PEMT: variants seen among roughly 807,000 people sequenced by gnomAD.
PEMT encodes phospholipid methyltransferase.
A neutral mutation model predicts 27.4 loss-of-function variants in PEMT; 23 were observed. The observed-to-expected ratio is 0.84, with a 90% CI of 0.60 to 1.19. The LOEUF (loss-of-function observed/expected upper bound fraction) is 1.19, where lower values mean the gene tolerates loss of function less well. Ranked by LOEUF, PEMT falls within the 50% of genes most tolerant of loss-of-function variation. PEMT has a pLI of 0.00. For synonymous variants in PEMT, 137 were observed against 139.1 expected, an observed-to-expected ratio of 0.98 and a Z score of 0.11; for missense variants, 307 against 310.1, an observed-to-expected ratio of 0.99 and a Z score of 0.07.
chr17:17,582,006 A>T lies in PEMT; in HGVS notation c.97-4979T>A, dbSNP rs560066611. Among the ~76,000 whole-genome samples the T allele has an allele frequency of 1.3e-5, 2 of 152,054 alleles. No individual in the cohort carries two copies. Among genetic ancestry groups the T allele is most frequent in the East Asian group, 3.9e-4 (2 of 5,170 alleles). On this transcript the variant is annotated intron_variant, in intron 1 of 6. Transcript: ENST00000255389. This position sits in a 1 kb window ranked among gnomAD's most constrained non-coding sequence, Gnocchi z 4.9. Reference sequence around the variant, plus strand: ...ACTGGATTGGCAAAAAAGAACCAAAAATCCAGGTCAGACGTGAGCAGAGTA... The same window carrying T: ...ACTGGATTGGCAAAAAAGAACCAAATATCCAGGTCAGACGTGAGCAGAGTA...
chr17:17,530,668 C>T (rs1011074292), intron 2 of PEMT, among the ~76,000 whole-genome samples: 2 of 152,036 alleles, frequency 1.3e-5, no homozygotes, highest in Non-Finnish European at 2.9e-5. Context: ...TAGACTGCAT[C>T]GAGTAAATCT....
At chr17:17,537,779 G>A (rs1368436031) in intron 2 of PEMT, among the ~76,000 whole-genome samples, 1 of 152,238 alleles carries the variant, frequency 6.6e-6, no homozygotes, top group Non-Finnish European at 1.5e-5. Flanking sequence ...GATTTCCCGG[G>A]GAGGGAGATT....
At chr17:17,554,235 C>A (rs1291400415) in intron 2 of PEMT, among the ~76,000 whole-genome samples, 4 of 152,232 alleles carry the variant, frequency 2.6e-5, no homozygotes, top group African/African-American at 9.6e-5. Context: ...GACCCGGCCC[C>A]CTCCCCTCAG....
intron 5 of PEMT, chr17:17,508,253 G>C (rs1005731607): frequency 6.5e-6 from 1 of 152,914 alleles, no homozygotes; most frequent in African/African-American, 2.4e-5. Context: ...CCCCAGTGGG[G>C]GTGCTCCATG....
intron 1 of PEMT, among the ~76,000 whole-genome samples, chr17:17,579,452 C>T (rs28652618): frequency 0.13 from 19,247 of 151,948 alleles, 2,199 homozygotes; most frequent in African/African-American, 0.31. Context: ...CCGAGGTGGG[C>T]GGATCACCTG....
At position 17,576,932 on chromosome 17, in the gene PEMT, G is replaced by A. The variant is rs765624889; in HGVS notation, c.192C>T (p.Leu64=). Residue 64 remains leucine (L), a synonymous_variant, in exon 2 of 7, where the codon CTC becomes CTT. Transcript: ENST00000255389. The stretch of plus-strand genomic sequence containing the variant: ...GCACATCACTTACCACATTCCAGTA[G>A]AGCGGATTGAAGGTGATGGTGATGA... ...AAVITITFNP[L]YWNVVARWEH... 4 of 1,613,066 alleles carry A rather than the reference G, an allele frequency of 2.5e-6. No individual in the cohort carries two copies. The East Asian group carries it at 8.9e-5, about 36-fold the overall frequency.
chr17:17,506,816 G>C (rs934177668), intron 5 of PEMT, among the ~76,000 whole-genome samples: 2 of 152,198 alleles, frequency 1.3e-5, no homozygotes, highest in Non-Finnish European at 2.9e-5. Flanking sequence ...CCATGGCCAC[G>C]CCCTGGGAGG....
chr17:17,586,282 AAG>A (rs1200697793), intron 1 of PEMT, among the ~76,000 whole-genome samples: 1 of 92,180 alleles, frequency 1.1e-5, no homozygotes, highest in Non-Finnish European at 2.2e-5. Flanking sequence ...GAAAGAAAGA[AAG>A]AAAGAAAAAA....
intron 1 of PEMT, among the ~76,000 whole-genome samples, chr17:17,578,961 T>TA (rs985826810): frequency 1.3e-5 from 2 of 151,784 alleles, no homozygotes; most frequent in Non-Finnish European, 2.9e-5. Context: ...AAACAAAAAA[T>TA]AAAAAAAATA....
intron 1 of PEMT, among the ~76,000 whole-genome samples, chr17:17,586,216 AAAAG>A (rs745534134): frequency 0.061 from 4,823 of 79,074 alleles, 217 homozygotes; most frequent in South Asian, 0.076. Context: ...GAAAGAAAGA[AAAAG>A]AAAGAAAGAA....
chr17:17,569,617 C>T (rs192229144), intron 2 of PEMT, among the ~76,000 whole-genome samples: 123 of 152,284 alleles, frequency 8.1e-4, no homozygotes, highest in Non-Finnish European at 1.2e-3. Flanking sequence ...TTCAGGTTTA[C>T]GGGGTCCCAG....
At chr17:17,548,811 C>T (rs1167145143) in intron 2 of PEMT, among the ~76,000 whole-genome samples, 1 of 152,220 alleles carries the variant, frequency 6.6e-6, no homozygotes, top group African/African-American at 2.4e-5. Flanking sequence ...TCCCAAAGTG[C>T]TGGGATTACA....
intron 2 of PEMT, among the ~76,000 whole-genome samples, chr17:17,560,705 G>A (rs748493029): frequency 1.3e-5 from 2 of 152,146 alleles, no homozygotes; most frequent in Non-Finnish European, 2.9e-5. Context: ...CCAAGGAGCA[G>A]CATGGTGACC....
intron 2 of PEMT, among the ~76,000 whole-genome samples, chr17:17,528,949 C>T (rs569938750): frequency 9.2e-5 from 14 of 152,338 alleles, no homozygotes; most frequent in African/African-American, 2.6e-4. Flanking sequence ...ACTGTGATAC[C>T]GTCACATAAG....
chr17:17,526,255 G>T (rs1194254483), intron 2 of PEMT, among the ~76,000 whole-genome samples: 1 of 152,092 alleles, frequency 6.6e-6, no homozygotes, highest in African/African-American at 2.4e-5. Context: ...CTACCCTAGG[G>T]CAGAAGAGAC....
intron 2 of PEMT, among the ~76,000 whole-genome samples, chr17:17,573,194 G>GA (rs1355247731): frequency 4.2e-5 from 5 of 119,036 alleles, no homozygotes; most frequent in Admixed American, 8.4e-5. Flanking sequence ...GTCTCAAAAA[G>GA]AAAAAAAAGG....
At chr17:17,531,860 A>G (rs1908124969) in intron 2 of PEMT, among the ~76,000 whole-genome samples, 1 of 152,158 alleles carries the variant, frequency 6.6e-6, no homozygotes, top group Non-Finnish European at 1.5e-5. Flanking sequence ...TTCATAAAAG[A>G]AAACGTGATA....
At chr17:17,577,089 A>G (rs70959685) in intron 1 of PEMT, 62 bp from the exon 2 acceptor site, 2 of 1,301,228 alleles carry the variant, frequency 1.5e-6, no homozygotes, top group East Asian at 4.6e-5. Flanking sequence ...AGCCCCCAGG[A>G]GTCGGAGAAA....
At chr17:17,526,746 A>C (rs1907699085) in intron 2 of PEMT, among the ~76,000 whole-genome samples, 1 of 152,230 alleles carries the variant, frequency 6.6e-6, no homozygotes, top group African/African-American at 2.4e-5. Flanking sequence ...TTGGACTCAG[A>C]GGTTGTAACT....
Sources: allele counts gnomAD v4.1 joint callset (sites outside exome capture counted in the v4.1 genomes callset), GRCh38; gene constraint gnomAD v4.1.1; non-coding constraint Gnocchi (gnomAD v3.1); transcripts MANE v1.5; gene names NCBI Gene and HGNC (gene_info 2026-07-23, HGNC 2026-07-21).